The following MGAT5 variants were observed in gnomAD, a reference collection of about 807,000 sequenced individuals.
MGAT5 encodes the protein alpha-1,6-mannosylglycoprotein 6-beta-N-acetylglucosaminyltransferase, also known as alpha-1,6-mannosylglycoprotein 6-beta-N-acetylglucosaminyltransferase A.
A neutral mutation model predicts 94.3 loss-of-function variants in MGAT5; 30 were observed. The observed-to-expected ratio is 0.32, with a 90% CI of 0.24 to 0.43. The LOEUF (loss-of-function observed/expected upper bound fraction) is 0.43, where lower values mean the gene tolerates loss of function less well. Ranked by LOEUF, MGAT5 falls within the 20% of genes least tolerant of loss-of-function variation. The pLI is 1.00. For synonymous variants in MGAT5, 310 were observed against 322.9 expected (o/e 0.96, Z 0.43); for missense variants, 691 against 905.5 (o/e 0.76, Z 3.04).
intron 13 of MGAT5, 50 bp downstream of exon 13, chr2:134,422,969 G>GTCACATTA: frequency 7.2e-7 from 1 of 1,388,964 alleles, no homozygotes; most frequent in Non-Finnish European, 1.0e-6. Context: ...GACCTGAAAT[G>GTCACATTA]TGTATAAAAC....
intron 1 of MGAT5, among the ~76,000 whole-genome samples, chr2:134,237,463 A>C (rs994554469): frequency 1.3e-5 from 2 of 152,088 alleles, no homozygotes; most frequent in Non-Finnish European, 2.9e-5. Context: ...CTGGGGGAGG[A>C]GGATAAAGGA....
intron 10 of MGAT5, among the ~76,000 whole-genome samples, chr2:134,400,276 T>C (rs1201262901): frequency 6.6e-6 from 1 of 152,188 alleles, no homozygotes; most frequent in Non-Finnish European, 1.5e-5. Flanking sequence ...TTACAAGTGG[T>C]AACAAGAGAC....
chr2:134,417,872 T>C lies in MGAT5; in HGVS notation c.1677+4857T>C, dbSNP rs188571183. On this transcript the variant is annotated intron_variant, in intron 12 of 15. Transcript: ENST00000281923. The stretch of plus-strand genomic sequence containing the variant: ...ACTGGATCATGTCTGCAACAATGAT[T>C]ACTGTGGTATTCTGATGGTGATTTT... Among the ~76,000 whole-genome samples, 3 of 152,308 alleles carry C rather than the reference T, an allele frequency of 2.0e-5. No homozygotes were observed. In the East Asian group the frequency reaches 5.8e-4, roughly 29 times the overall value.
At chr2:134,193,867 C>T (rs1679366815) in intron 1 of MGAT5, among the ~76,000 whole-genome samples, 1 of 152,170 alleles carries the variant, frequency 6.6e-6, no homozygotes, top group Admixed American at 6.5e-5. Context: ...GCACGCCTAA[C>T]TCAAGACATT....
intron 15 of MGAT5, among the ~76,000 whole-genome samples, chr2:134,448,149 C>G (rs1480285053): frequency 6.6e-6 from 1 of 152,254 alleles, no homozygotes; most frequent in Non-Finnish European, 1.5e-5. Flanking sequence ...GCAGCCATTG[C>G]TAAGGCATTA....
Position 134,329,817 on chromosome 2 carries a change from C to T in MGAT5, c.574-6400C>T, listed in dbSNP as rs144980354. ...CTACACAGCTCTTCAGATAAGGAGT[C>T]GGACCAAAATATTAATCAACTCAGG... On this transcript the variant is annotated intron_variant, in intron 4 of 15. Transcript: ENST00000281923. Among the ~76,000 whole-genome samples, 375 of 152,198 alleles carry T rather than the reference C, an allele frequency of 2.5e-3. 5 individuals are homozygous for T. Among genetic ancestry groups the T allele is most frequent in the Middle Eastern group, 0.014 (4 of 294 alleles).
intron 1 of MGAT5, among the ~76,000 whole-genome samples, chr2:134,229,784 G>A (rs868277917): frequency 3.9e-5 from 6 of 152,102 alleles, no homozygotes; most frequent in East Asian, 1.9e-4. Flanking sequence ...TAAGAGACCC[G>A]TATTTAGAAT....
At chr2:134,141,326 A>T (rs1202925245) in intron 1 of MGAT5, among the ~76,000 whole-genome samples, 1 of 152,032 alleles carries the variant, frequency 6.6e-6, no homozygotes, top group African/African-American at 2.4e-5. Flanking sequence ...ATATGGGGGG[A>T]TGTGGTGGTC....
chr2:134,350,079 T>C, intron 9 of MGAT5, 141 bp downstream of exon 9: 1 of 943,562 alleles, frequency 1.1e-6, no homozygotes. Flanking sequence ...CCTTGGGAAT[T>C]ACTGAATTTG....
At chr2:134,267,677 CTAA>C (rs1435678793) in intron 1 of MGAT5, among the ~76,000 whole-genome samples, 2 of 152,232 alleles carry the variant, frequency 1.3e-5, no homozygotes, top group African/African-American at 2.4e-5. Context: ...GTATACTCCA[CTAA>C]TAACTATCAC....
chr2:134,344,473 G>A (rs1558809348), intron 7 of MGAT5, among the ~76,000 whole-genome samples: 1 of 151,932 alleles, frequency 6.6e-6, no homozygotes, highest in Non-Finnish European at 1.5e-5. Context: ...ACAGGCTCTG[G>A]GGGAGAAAAC....
chr2:134,376,060 C>G (rs531858742), intron 10 of MGAT5, among the ~76,000 whole-genome samples: 1 of 152,244 alleles, frequency 6.6e-6, no homozygotes, highest in East Asian at 1.9e-4. Flanking sequence ...AGTGATCTTC[C>G]AGGTTCTCAA....
At chr2:134,283,675 C>G (rs1287174976) in intron 2 of MGAT5, among the ~76,000 whole-genome samples, 1 of 68,094 alleles carries the variant, frequency 1.5e-5, no homozygotes, top group African/African-American at 8.1e-5. Context: ...TTTTTTTTTA[C>G]AGAAACTCTT....
rs116973409 is a variant in MGAT5, at chr2:134,437,143, C to T, written c.1870-4615C>T. 1.4e-3 allele frequency among the ~76,000 whole-genome samples: 212 copies of T among 152,286 alleles called. 3 individuals are homozygous for T. In the East Asian group the frequency reaches 0.037, roughly 26 times the overall value. The stretch of plus-strand genomic sequence containing the variant: ...AGCTGGGATTACAGGCGCGCGCCAC[C>T]ATGCCTAGCAATTTTTTTGGATTTT... On this transcript the variant is annotated intron_variant, in intron 14 of 15. Coordinates refer to ENST00000281923, the MANE Select transcript of MGAT5 (RefSeq NM_002410.5).
chr2:134,194,814 G>A (rs1277496191), intron 1 of MGAT5, among the ~76,000 whole-genome samples: 2 of 152,142 alleles, frequency 1.3e-5, no homozygotes, highest in African/African-American at 4.8e-5. Context: ...CAAGGCCCTG[G>A]TGGAATATCT....
At chr2:134,270,975 G>A (rs567731186) in intron 2 of MGAT5, among the ~76,000 whole-genome samples, 80 of 152,246 alleles carry the variant, frequency 5.3e-4, no homozygotes, top group African/African-American at 1.8e-3. Flanking sequence ...CACCATTGCC[G>A]AAAATGCCTC....
intron 1 of MGAT5, among the ~76,000 whole-genome samples, chr2:134,228,280 TGA>T (rs1681169947): frequency 6.6e-6 from 1 of 152,184 alleles, no homozygotes; most frequent in African/African-American, 2.4e-5. Flanking sequence ...ACAGGAAAGT[TGA>T]GAGTTGTTCT....
intron 1 of MGAT5, among the ~76,000 whole-genome samples, chr2:134,215,170 G>T (rs181554818): frequency 6.6e-6 from 1 of 152,098 alleles, no homozygotes; most frequent in Admixed American, 6.5e-5. Context: ...CCATTCTACC[G>T]TAGATGGGCA....
chr2:134,328,636 A>G (rs1274962899), intron 4 of MGAT5, among the ~76,000 whole-genome samples: 1 of 152,094 alleles, frequency 6.6e-6, no homozygotes, highest in Admixed American at 6.6e-5. Context: ...TACTAATTGG[A>G]CATTACCTGT....
Sources: allele counts gnomAD v4.1 joint callset (sites outside exome capture counted in the v4.1 genomes callset), GRCh38; gene constraint gnomAD v4.1.1; transcripts MANE v1.5; gene names NCBI Gene and HGNC (gene_info 2026-07-23, HGNC 2026-07-21).